Variants in WWOX observed in about 807,000 individuals in gnomAD.
WWOX encodes WW domain containing oxidoreductase, also known as WW domain-containing oxidoreductase.
Under a neutral mutation model 46.2 loss-of-function variants are expected in WWOX, and 69 were observed. That is an observed-to-expected ratio of 1.49 (90% CI 1.23 to 1.82). The LOEUF is 1.82. Ranked by LOEUF, WWOX falls within the 40% of genes most tolerant of loss-of-function variation. The probability of loss-of-function intolerance (pLI) is 0.00; values close to 1 mark genes in which losing one functional copy is unlikely to be tolerated. For synonymous variants in WWOX, 359 were observed against 202.6 expected (o/e 1.77, Z -6.56); for missense variants, 919 against 542.6 (o/e 1.69, Z -6.89).
chr16:78,633,986 C>T (rs2046503905), intron 8 of WWOX, among the ~76,000 whole-genome samples: 3 of 151,758 alleles, frequency 2.0e-5, no homozygotes. Flanking sequence ...AGTCTGAGCC[C>T]CTAGAGAGAC....
chr16:78,612,596 C>T (rs2045927218), intron 8 of WWOX, among the ~76,000 whole-genome samples: 1 of 152,148 alleles, frequency 6.6e-6, no homozygotes, highest in African/African-American at 2.4e-5. Context: ...CCACATCAGC[C>T]TGCCAAGTAG....
At chr16:78,336,560 A>G (rs554136246) in intron 5 of WWOX, among the ~76,000 whole-genome samples, 1 of 151,142 alleles carries the variant, frequency 6.6e-6, no homozygotes, top group East Asian at 2.0e-4. Flanking sequence ...AGAGGGAGCA[A>G]AGGAGTCTTG....
chr16:78,413,208 A>T (rs934788657), intron 6 of WWOX, among the ~76,000 whole-genome samples: 1 of 152,190 alleles, frequency 6.6e-6, no homozygotes, highest in Non-Finnish European at 1.5e-5. Context: ...GAATTCAGGG[A>T]TCGGAGTCTT....
chr16:78,735,213 A>G (rs1277776760), intron 8 of WWOX, among the ~76,000 whole-genome samples: 3 of 151,926 alleles, frequency 2.0e-5, no homozygotes, highest in Non-Finnish European at 4.4e-5. Flanking sequence ...AAGCATCAGC[A>G]TTTCTTGTGT....
At chr16:78,949,601 A>T (rs748203969) in intron 8 of WWOX, among the ~76,000 whole-genome samples, 2 of 152,144 alleles carry the variant, frequency 1.3e-5, no homozygotes, top group Non-Finnish European at 2.9e-5. Context: ...TTTTAATTTC[A>T]CAGATGAACA....
At chr16:78,741,843 A>T (rs1185874454) in intron 8 of WWOX, among the ~76,000 whole-genome samples, 1 of 152,246 alleles carries the variant, frequency 6.6e-6, no homozygotes, top group African/African-American at 2.4e-5. Flanking sequence ...CGGCAGAGTG[A>T]GACGCTGTCT....
At chr16:78,818,128 A>G (rs1308778657) in intron 8 of WWOX, among the ~76,000 whole-genome samples, 2 of 151,998 alleles carry the variant, frequency 1.3e-5, no homozygotes, top group Non-Finnish European at 2.9e-5. Flanking sequence ...ACCTGCCTTG[A>G]CTCGTGATTG....
intron 8 of WWOX, among the ~76,000 whole-genome samples, chr16:78,876,852 G>C (rs947437702): frequency 1.3e-5 from 2 of 152,122 alleles, no homozygotes; most frequent in Non-Finnish European, 2.9e-5. Context: ...AAACCCAGTG[G>C]AACGCTCTTT....
chr16:78,680,783 G>A (rs1341412571), intron 8 of WWOX, among the ~76,000 whole-genome samples: 1 of 152,162 alleles, frequency 6.6e-6, no homozygotes, highest in East Asian at 1.9e-4. Flanking sequence ...ACTTAGCCCA[G>A]TGTTGGGCAC....
At chr16:78,858,703 A>G (rs750166106) in intron 8 of WWOX, among the ~76,000 whole-genome samples, 2 of 151,778 alleles carry the variant, frequency 1.3e-5, no homozygotes, top group East Asian at 3.9e-4. Context: ...TTTTTGAGAT[A>G]GTGTCTTACT....
chr16:78,108,623 G>T, intron 2 of WWOX, 136 bp downstream of exon 2: 2 of 928,636 alleles, frequency 2.2e-6, no homozygotes, highest in Non-Finnish European at 3.4e-6. Context: ...ACTCTGAGGA[G>T]CTTATGGGAT....
chr16:78,199,246 G>A (rs542268732), intron 5 of WWOX, among the ~76,000 whole-genome samples: 108 of 152,254 alleles, frequency 7.1e-4, no homozygotes, highest in African/African-American at 2.5e-3. Flanking sequence ...CCAGGAGGCG[G>A]AGGTTGCAGT....
chr16:78,855,657 T>A (rs536502092), intron 8 of WWOX, among the ~76,000 whole-genome samples: 3 of 152,234 alleles, frequency 2.0e-5, no homozygotes, highest in Non-Finnish European at 4.4e-5. Context: ...TCTCCCAGTT[T>A]CCAGCCTGTA....
chr16:79,020,850 C>T (rs1208615842), intron 8 of WWOX, among the ~76,000 whole-genome samples: 1 of 152,078 alleles, frequency 6.6e-6, no homozygotes. Context: ...TGGTTTAATT[C>T]TACCACAAAA....
intron 8 of WWOX, among the ~76,000 whole-genome samples, chr16:78,718,929 CTG>C (rs1296744231): frequency 1.3e-5 from 2 of 152,012 alleles, no homozygotes; most frequent in East Asian, 3.9e-4. Flanking sequence ...AACATGGCAT[CTG>C]GGGCTCTCTT....
intron 5 of WWOX, among the ~76,000 whole-genome samples, chr16:78,312,381 C>CTT (rs561304972): frequency 0.11 from 14,984 of 132,796 alleles, 1,046 homozygotes; most frequent in East Asian, 0.18. Context: ...AGGTCTAATT[C>CTT]TTTTTTTTTT....
At chr16:78,458,336 C>T (rs1376877560) in intron 8 of WWOX, among the ~76,000 whole-genome samples, 1 of 149,238 alleles carries the variant, frequency 6.7e-6, no homozygotes, top group Non-Finnish European at 1.5e-5. Flanking sequence ...TCACAGCTCA[C>T]TGCAGTCTTG....
chr16:78,569,340 C>G (rs933252628), intron 8 of WWOX, among the ~76,000 whole-genome samples: 2 of 152,138 alleles, frequency 1.3e-5, no homozygotes, highest in African/African-American at 4.8e-5. Context: ...ACTGTTCAAA[C>G]TTGACATCCA....
At chr16:78,906,386 A>C (rs1002994860) in intron 8 of WWOX, among the ~76,000 whole-genome samples, 5 of 152,152 alleles carry the variant, frequency 3.3e-5, no homozygotes, top group African/African-American at 1.2e-4. Flanking sequence ...TAGCCTGATA[A>C]GGATTTCCTC....
Sources: gnomAD v4.1 joint callset for allele counts (sites outside exome capture counted in the v4.1 genomes callset) on GRCh38, gnomAD v4.1.1 for gene constraint, MANE v1.5 for transcripts, NCBI Gene and HGNC (gene_info 2026-07-23, HGNC 2026-07-21) for gene names.